COL21A1: variants seen among roughly 807,000 people sequenced by gnomAD.
The protein encoded by COL21A1 is collagen alpha-1(XXI) chain.
A neutral mutation model predicts 137.9 loss-of-function variants in COL21A1; 149 were observed. The ratio of observed to expected loss-of-function variants is 1.08; its 90% CI spans 0.95 to 1.24. COL21A1 has a LOEUF of 1.24. COL21A1 is among the 50% of genes most tolerant of loss of function. COL21A1 has a pLI of 0.00. For missense variants in COL21A1, 1,167 were observed against 1,158.4 expected (o/e 1.01, Z -0.11); for synonymous variants, 456 against 391.5 (o/e 1.16, Z -1.95).
rs559516314 is a variant in COL21A1 at position 56,057,779 on chromosome 6, C to T, written c.2752G>A (p.Asp918Asn). The stretch of plus-strand genomic sequence containing the variant: ...ATTCCAGGTTTTCCATGGTCTCCAT[C>T]TTTGCCAGGGAGACCTGGGTCTCCT... Reference protein sequence around the residue: ...PPGDPGLPGKDGDHGKPGIQG... With the variant: ...PPGDPGLPGKNGDHGKPGIQG... Residue 918 changes from aspartate (D) to asparagine (N), a missense_variant, in exon 30 of 30, where the codon GAT (aspartate) becomes AAT (asparagine). Physicochemically the swap from Asp to Asn is conservative, Grantham distance 23 (BLOSUM62 1). Coordinates refer to ENST00000244728, the MANE Select transcript of COL21A1 (RefSeq NM_030820.4). 1.2e-6 allele frequency: 2 copies of T among 1,607,920 alleles called. No individual in the cohort carries two copies. The highest frequency in any genetic ancestry group is 2.2e-5 in the East Asian group (1 of 44,480).
At chr6:56,215,815 A>G (rs1780444605) in intron 1 of COL21A1, among the ~76,000 whole-genome samples, 2 of 152,114 alleles carry the variant, frequency 1.3e-5, no homozygotes, top group Admixed American at 6.6e-5. Flanking sequence ...AGTGATTGTT[A>G]TGGTTGAAAG....
At chr6:56,365,818 G>A (rs1479167660) in intron 1 of COL21A1, among the ~76,000 whole-genome samples, 1 of 152,138 alleles carries the variant, frequency 6.6e-6, no homozygotes, top group Non-Finnish European at 1.5e-5. Flanking sequence ...TTTACACCAT[G>A]TATAACAACC....
At chr6:56,215,759 T>C (rs768755643) in intron 1 of COL21A1, among the ~76,000 whole-genome samples, 4 of 152,100 alleles carry the variant, frequency 2.6e-5, no homozygotes, top group Non-Finnish European at 4.4e-5. Context: ...TCCCTTCCTT[T>C]AAATTTTTTA....
At chr6:56,068,446 T>A (rs1766450723) in intron 22 of COL21A1, among the ~76,000 whole-genome samples, 2 of 151,588 alleles carry the variant, frequency 1.3e-5, no homozygotes. Flanking sequence ...ATTATTTATA[T>A]ACATACAAGT....
At chr6:56,076,710 A>C (rs1308792595) in intron 18 of COL21A1, among the ~76,000 whole-genome samples, 3 of 151,480 alleles carry the variant, frequency 2.0e-5, no homozygotes, top group Non-Finnish European at 4.4e-5. Flanking sequence ...AAAATATGGA[A>C]ATATGGTAGG....
rs371304431 is a variant in COL21A1 at position 56,186,713 on chromosome 6, T to C, written c.-38-4057A>G. Among the ~76,000 whole-genome samples the C allele has an allele frequency of 9.2e-5, 14 of 152,188 alleles. No individual in the cohort carries two copies. The South Asian group carries it at 2.9e-3, about 32-fold the overall frequency. On this transcript the variant is annotated intron_variant, in intron 1 of 29. Transcript: ENST00000244728. ...ATACCATTTTCAATAGTATCAAAAG[T>C]ATTATAAATGTGGAAATGAAGCTAA...
At chr6:56,198,881 A>C (rs568485699) in intron 1 of COL21A1, among the ~76,000 whole-genome samples, 122 of 152,274 alleles carry the variant, frequency 8.0e-4, no homozygotes, top group Non-Finnish European at 1.5e-3. Context: ...TAAGATGGAA[A>C]ATAATGGTTT....
chr6:56,337,771 T>A (rs1312544607), intron 1 of COL21A1, among the ~76,000 whole-genome samples: 1 of 152,192 alleles, frequency 6.6e-6, no homozygotes, highest in Non-Finnish European at 1.5e-5. Context: ...ATCAAACTTT[T>A]CTTTTACCGT....
At chr6:56,321,842 T>C (rs1361246555) in intron 1 of COL21A1, among the ~76,000 whole-genome samples, 1 of 152,160 alleles carries the variant, frequency 6.6e-6, no homozygotes, top group Admixed American at 6.6e-5. Flanking sequence ...CCCATTCTTC[T>C]ATGGTCGTTC....
Position 56,255,536 on chromosome 6 carries a change from G to A in COL21A1, c.-38-72880C>T, listed in dbSNP as rs559873384. On this transcript the variant is annotated intron_variant, in intron 1 of 28. Coordinates refer to the COL21A1 transcript ENST00000370819. ...CATTACATACTGTTGTAAGGAACAG[G>A]GAGGGAAATAACTCCTTCCTGCTCT... Among the ~76,000 whole-genome samples, 8 of 152,236 alleles carry A rather than the reference G, an allele frequency of 5.3e-5. No homozygotes were observed. The South Asian group carries it at 1.7e-3, about 32-fold the overall frequency.
At chr6:56,084,639 A>T (rs558750263) in intron 17 of COL21A1, among the ~76,000 whole-genome samples, 226 of 152,260 alleles carry the variant, frequency 1.5e-3, no homozygotes, top group African/African-American at 5.1e-3. Context: ...ACATAATAAT[A>T]AACAAATGAA....
chr6:56,261,255 T>C (rs1763265941), intron 1 of COL21A1, among the ~76,000 whole-genome samples: 1 of 152,108 alleles, frequency 6.6e-6, no homozygotes, highest in Non-Finnish European at 1.5e-5. Flanking sequence ...GGCACCTCTC[T>C]TGCCTGCCTC....
At chr6:56,240,208 T>A (rs924708717) in intron 1 of COL21A1, among the ~76,000 whole-genome samples, 6 of 151,832 alleles carry the variant, frequency 4.0e-5, no homozygotes, top group Non-Finnish European at 8.8e-5. Context: ...TATGTCTTTA[T>A]CAGCAGTGTG....
In COL21A1 at chr6:56,069,062, C is replaced by T. The variant is rs763112285; in HGVS notation, c.2075G>A (p.Gly692Glu). 4.9e-5 allele frequency: 79 copies of T among 1,600,476 alleles called. No individual in the cohort carries two copies. The highest frequency in any genetic ancestry group is 1.4e-4 in the Admixed American group (8 of 58,316). ...AATGCATACCTTTTTTCCTTGAATC[C>T]CGGGTAAACCCATGTATCCTGGTTC... Reference protein sequence around the residue: ...PGEPGYMGLPGIQGKKGDKGN... With the variant: ...PGEPGYMGLPEIQGKKGDKGN... Residue 692 changes from glycine (G) to glutamate (E), a missense_variant, in exon 22 of 30, where the codon GGG (glycine) becomes GAG (glutamate). Transcript: ENST00000244728.
chr6:56,062,557 A>G (rs1181569046), intron 24 of COL21A1, among the ~76,000 whole-genome samples: 1 of 152,174 alleles, frequency 6.6e-6, no homozygotes, highest in African/African-American at 2.4e-5. Context: ...AGTGTTCTGC[A>G]ATTTAATATG....
At chr6:56,103,401 T>C (rs1770619351) in intron 16 of COL21A1, among the ~76,000 whole-genome samples, 1 of 152,166 alleles carries the variant, frequency 6.6e-6, no homozygotes, top group Non-Finnish European at 1.5e-5. Flanking sequence ...ATAAAGAGGG[T>C]AAGGCACTTG....
intron 1 of COL21A1, among the ~76,000 whole-genome samples, chr6:56,314,558 T>C (rs1359080288): frequency 6.6e-6 from 1 of 152,210 alleles, no homozygotes. Context: ...TATTTAAATC[T>C]TGGAGCTTTT....
chr6:56,314,809 A>G (rs1272885903), intron 1 of COL21A1, among the ~76,000 whole-genome samples: 1 of 151,512 alleles, frequency 6.6e-6, no homozygotes, highest in African/African-American at 2.5e-5. Flanking sequence ...GAACAAAAAC[A>G]CAGTTTCCCT....
At chr6:56,081,053 T>A (rs141253358) in intron 17 of COL21A1, among the ~76,000 whole-genome samples, 7 of 151,920 alleles carry the variant, frequency 4.6e-5, no homozygotes, top group Non-Finnish European at 8.8e-5. Flanking sequence ...ACCTATCTCA[T>A]AGAGTTGGTA....
Sources: allele counts gnomAD v4.1 joint callset (sites outside exome capture counted in the v4.1 genomes callset), GRCh38; gene constraint gnomAD v4.1.1; transcripts MANE v1.5; gene names NCBI Gene and HGNC (gene_info 2026-07-23, HGNC 2026-07-21).